SLC5A10: variants seen among roughly 807,000 people sequenced by gnomAD.
SLC5A10 encodes the protein sodium/mannose cotransporter SLC5A10.
A neutral mutation model predicts 68.9 loss-of-function variants in SLC5A10; 55 were observed. That is an observed-to-expected ratio of 0.80 (90% CI 0.64 to 1.00). The LOEUF (loss-of-function observed/expected upper bound fraction) is 1.00, where lower values mean the gene tolerates loss of function less well. Among genes scored for constraint, SLC5A10 ranks in the 50% least tolerant of loss-of-function variants. The pLI is 0.00. For synonymous variants in SLC5A10, 344 were observed against 344.8 expected (o/e 1.00, Z 0.02); for missense variants, 732 against 819.3 (o/e 0.89, Z 1.30).
intron 9 of SLC5A10, among the ~76,000 whole-genome samples, chr17:19,001,362 TG>T (rs1335120622): frequency 6.6e-6 from 1 of 152,206 alleles, no homozygotes; most frequent in African/African-American, 2.4e-5. Context: ...TAGTCTCTAC[TG>T]CCTCTGAGGC....
chr17:18,984,732 C>T (rs1400819362), intron 9 of SLC5A10, among the ~76,000 whole-genome samples: 15 of 152,248 alleles, frequency 9.9e-5, no homozygotes, highest in Non-Finnish European at 7.3e-5. Flanking sequence ...GGGAGCATCC[C>T]TCCACACCCA....
Position 18,978,925 on chromosome 17 carries a change from C to T in SLC5A10, c.982+1936C>T, listed in dbSNP as rs372257361. 4.0e-5 allele frequency: 62 copies of T among 1,537,498 alleles called. No individual in the cohort carries two copies. In the African/African-American group the frequency reaches 6.7e-4, roughly 17 times the overall value. On this transcript the variant is annotated intron_variant, in intron 9 of 14. Coordinates refer to ENST00000395645, the MANE Select transcript of SLC5A10 (RefSeq NM_001042450.4). ...CGCCCAGCCCCCGTGCACCCATAGC[C>T]GCTGGGCCTCAGACTGTGGCCACAG...
At chr17:18,980,743 G>A (rs1164087218) in intron 9 of SLC5A10, among the ~76,000 whole-genome samples, 1 of 152,172 alleles carries the variant, frequency 6.6e-6, no homozygotes, top group African/African-American at 2.4e-5. Context: ...AGAATCACAG[G>A]TGTAAAGGGG....
At chr17:18,978,848 A>G in intron 9 of SLC5A10, 1 of 1,611,254 alleles carries the variant, frequency 6.2e-7, no homozygotes, top group Non-Finnish European at 8.5e-7. Context: ...CGACCACGTG[A>G]AGCTGCAACA....
chr17:18,980,288 C>T (rs977258556), intron 9 of SLC5A10, among the ~76,000 whole-genome samples: 1 of 152,160 alleles, frequency 6.6e-6, no homozygotes, highest in African/African-American at 2.4e-5. Context: ...ATGGCCAGGA[C>T]ACCACCCAGC....
At chr17:18,979,995 G>C (rs2043088709) in intron 9 of SLC5A10, among the ~76,000 whole-genome samples, 1 of 152,206 alleles carries the variant, frequency 6.6e-6, no homozygotes, top group Non-Finnish European at 1.5e-5. Context: ...CAGCCAGCTT[G>C]GGAAATGCTG....
chr17:18,971,032 T>C lies in SLC5A10; in HGVS notation c.660T>C (p.Gly220=). 1 of 1,613,920 alleles carries C rather than the reference T, an allele frequency of 6.2e-7. No individual in the cohort carries two copies. The highest frequency in any genetic ancestry group is 1.1e-5 in the South Asian group (1 of 91,078). Residue 220 remains glycine, a synonymous_variant, in exon 8 of 15, where the codon GGT becomes GGC. Coordinates refer to ENST00000395645, the MANE Select transcript of SLC5A10 (RefSeq NM_001042450.4). The surrounding 1 kb of genome is among the most constrained non-coding windows in gnomAD (Gnocchi z 5.5). ...LTIKAFDQIG[G]YGQLEAAYAQ... ...CTCCAGCTTTTGACCAGATCGGTGG[T>C]TACGGGCAGCTGGAGGCAGCCTACG...
rs1391489622 is a variant in SLC5A10, at chr17:19,022,036, G to T, written c.*1605G>T. The T allele has an allele frequency of 6.3e-7, 1 of 1,599,738 alleles. No individual in the cohort carries two copies. Among genetic ancestry groups the T allele is most frequent in the East Asian group, 2.3e-5 (1 of 43,928 alleles). On this transcript the variant is annotated 3_prime_UTR_variant, in exon 15 of 15. Transcript: ENST00000395645. ...CAGGACCGGCCCCGCCACCAGTGGGGGTCTGGGCGCTCCAGGACCTCAATG... is the reference window on the plus strand; with the variant it reads ...CAGGACCGGCCCCGCCACCAGTGGGTGTCTGGGCGCTCCAGGACCTCAATG...
In SLC5A10 at chr17:18,977,777, C is replaced by T. The variant is rs759629345; in HGVS notation, c.982+788C>T. 9.4e-6 allele frequency: 15 copies of T among 1,601,928 alleles called. No individual in the cohort carries two copies. In the African/African-American group the frequency reaches 9.4e-5, roughly 10 times the overall value. On this transcript the variant is annotated intron_variant, in intron 9 of 14. Coordinates refer to ENST00000395645, the MANE Select transcript of SLC5A10 (RefSeq NM_001042450.4). The stretch of plus-strand genomic sequence containing the variant: ...GGCCACTTGCTCTGAGTGGCGCCTC[C>T]GGAGAGGGACTGAGTGCTCTCTCAC...
At chr17:18,961,838 G>A (rs987361010) in intron 5 of SLC5A10, among the ~76,000 whole-genome samples, 1 of 152,166 alleles carries the variant, frequency 6.6e-6, no homozygotes, top group African/African-American at 2.4e-5. Context: ...GCCTCTATCT[G>A]CACTGGTGTT....
chr17:19,015,501 C>T (rs911938187), intron 11 of SLC5A10, among the ~76,000 whole-genome samples: 10 of 152,178 alleles, frequency 6.6e-5, no homozygotes, highest in Non-Finnish European at 1.0e-4. Flanking sequence ...AAACCTGGGC[C>T]CCCATTCCTC....
chr17:19,019,319 T>C (rs2044207403), intron 11 of SLC5A10, 104 bp from the exon 12 acceptor site: 4 of 1,384,712 alleles, frequency 2.9e-6, no homozygotes, highest in Non-Finnish European at 9.7e-7. Flanking sequence ...GGAGCTGGGG[T>C]AGCAGGGGAA....
At chr17:18,954,891 T>G (rs1229293470) in intron 1 of SLC5A10, among the ~76,000 whole-genome samples, 1 of 151,776 alleles carries the variant, frequency 6.6e-6, no homozygotes, top group Non-Finnish European at 1.5e-5. Context: ...GCCAGCATGG[T>G]GAAAGCCCGT....
At position 19,004,312 on chromosome 17, in the gene SLC5A10, G is replaced by C. The variant is rs1017912357; in HGVS notation, c.983-9098G>C. The C allele has an allele frequency of 4.6e-6, 2 of 437,064 alleles. No homozygotes were observed. Among genetic ancestry groups the C allele is most frequent in the Non-Finnish European group, 8.1e-6 (2 of 245,754 alleles). 27.1% of individuals were successfully genotyped at this position (437,064 alleles called of 1,614,324 possible). On this transcript the variant is annotated intron_variant, in intron 9 of 14. Transcript: ENST00000395645. The surrounding 1 kb of genome is among the most constrained non-coding windows in gnomAD (Gnocchi z 5.4). ...GCTGGGAAGATGAGGTGGGGGCACT[G>C]GACTGGGATGGGAAGAAAGTAAGGG...
At chr17:18,990,242 C>G (rs1782128098) in intron 9 of SLC5A10, among the ~76,000 whole-genome samples, 1 of 152,192 alleles carries the variant, frequency 6.6e-6, no homozygotes, top group Non-Finnish European at 1.5e-5. Flanking sequence ...AGGCCAGAGA[C>G]TGCTTGGAGC....
Position 19,020,378 on chromosome 17 carries a change from A to C in SLC5A10, c.1738A>C (p.Asn580His), listed in dbSNP as rs571280241. 2.5e-6 allele frequency: 4 copies of C among 1,614,112 alleles called. No individual in the cohort carries two copies. The South Asian group carries it at 3.3e-5, about 13-fold the overall frequency. The change falls in exon 15 of 15, where the codon AAT becomes CAT. Residue 580 changes from asparagine to histidine, a missense_variant. Asn to His is a moderately conservative substitution (Grantham distance 68, BLOSUM62 1). Transcript: ENST00000395645. The stretch of plus-strand genomic sequence containing the variant: ...CTTCTGGGCCCGTGTCTGTGGCTTC[A>C]ATGCCATCCTCCTCATGTGTGTCAA... Reference protein sequence around the residue: ...HAFWARVCGFNAILLMCVNIF... With the variant: ...HAFWARVCGFHAILLMCVNIF...
chr17:18,984,939 C>A (rs2043232410), intron 9 of SLC5A10, among the ~76,000 whole-genome samples: 1 of 152,262 alleles, frequency 6.6e-6, no homozygotes, highest in African/African-American at 2.4e-5. Context: ...CTGGGAGCCC[C>A]ACATTTGGGG....
At chr17:18,962,498 C>A (rs1347689596) in intron 5 of SLC5A10, among the ~76,000 whole-genome samples, 1 of 152,078 alleles carries the variant, frequency 6.6e-6, no homozygotes, top group Non-Finnish European at 1.5e-5. Context: ...AGAGAACGTG[C>A]CCCAGGATTG....
At chr17:18,954,798 C>T (rs138984702) in intron 1 of SLC5A10, among the ~76,000 whole-genome samples, 55 of 152,278 alleles carry the variant, frequency 3.6e-4, no homozygotes, top group South Asian at 2.5e-3. Flanking sequence ...GTAGGCCGGG[C>T]GCAGTGGCTC....
Sources: gnomAD v4.1 joint callset for allele counts (sites outside exome capture counted in the v4.1 genomes callset) on GRCh38, gnomAD v4.1.1 for gene constraint, Gnocchi (gnomAD v3.1) non-coding constraint, MANE v1.5 for transcripts, NCBI Gene and HGNC (gene_info 2026-07-23, HGNC 2026-07-21) for gene names.